TSPEAR: variants seen among roughly 807,000 people sequenced by gnomAD.
TSPEAR encodes the protein thrombospondin type laminin G domain and EAR repeats.
In TSPEAR, 69 loss-of-function variants were observed where a neutral mutation model predicts 71.6. That is an observed-to-expected ratio of 0.96 (90% CI 0.79 to 1.18). The LOEUF (loss-of-function observed/expected upper bound fraction) is 1.18, where lower values mean the gene tolerates loss of function less well. TSPEAR is among the 50% of genes most tolerant of loss of function. The pLI, the probability that TSPEAR is intolerant of heterozygous loss-of-function variation, is 0.00. For missense variants in TSPEAR, 971 were observed against 894.9 expected (o/e 1.09, Z -1.09); for synonymous variants, 402 against 387.2 (o/e 1.04, Z -0.45).
Position 44,528,494 on chromosome 21 carries a change from G to A in TSPEAR, c.880C>T (p.Leu294=), listed in dbSNP as rs2052901303. The A allele has an allele frequency of 4.3e-6, 7 of 1,614,106 alleles. No homozygotes were observed. The East Asian group carries it at 1.6e-4, about 36-fold the overall frequency. ...QFWFDASRKG[L]YLCVGNEWVS... Reference sequence around the variant, plus strand: ...CACTCGTTGCCAACACACAGATACAGGCCCTTCCGGCTGGCATCAAACCAG... The same window carrying A: ...CACTCGTTGCCAACACACAGATACAAGCCCTTCCGGCTGGCATCAAACCAG... Residue 294 remains leucine, a synonymous_variant, in exon 6 of 12, where the codon CTG becomes TTG. Transcript: ENST00000323084.
intron 1 of TSPEAR, among the ~76,000 whole-genome samples, chr21:44,581,218 T>A (rs743494): frequency 0.32 from 49,062 of 151,974 alleles, 8,535 homozygotes; most frequent in East Asian, 0.45. Flanking sequence ...TCTGTTTTAT[T>A]TGAAGCTGCG....
intron 1 of TSPEAR, among the ~76,000 whole-genome samples, chr21:44,675,185 T>A (rs1986252256): frequency 6.6e-6 from 1 of 152,098 alleles, no homozygotes; most frequent in Non-Finnish European, 1.5e-5. Context: ...AACAAAATAC[T>A]AGCAAACTGA....
chr21:44,659,715 G>T (rs1337828860), intron 1 of TSPEAR, among the ~76,000 whole-genome samples: 1 of 152,198 alleles, frequency 6.6e-6, no homozygotes, highest in Non-Finnish European at 1.5e-5. Context: ...GAGCCTGGTG[G>T]TTCGAGGCTG....
Position 44,591,665 on chromosome 21 carries a change from C to T in TSPEAR, c.83-23660G>A, listed in dbSNP as rs1408800310. On this transcript the variant is annotated intron_variant, in intron 1 of 11. Coordinates refer to ENST00000323084, the MANE Select transcript of TSPEAR (RefSeq NM_144991.3). The stretch of plus-strand genomic sequence containing the variant: ...CATGATGTGGAAGCCCCAGAGCAGA[C>T]GGGCACACAGCAGGCGTGCTGGCAG... 2.8e-4 allele frequency: 440 copies of T among 1,585,064 alleles called. 2 individuals are homozygous for T. The highest frequency in any genetic ancestry group is 3.5e-4 in the Non-Finnish European group (403 of 1,159,980).
chr21:44,518,353 G>C, intron 9 of TSPEAR: 1 of 454,810 alleles, frequency 2.2e-6, no homozygotes, highest in South Asian at 1.6e-5. Context: ...GGGCACTGGG[G>C]CATCTTGAGC....
At chr21:44,622,371 A>G (rs143610887) in intron 1 of TSPEAR, among the ~76,000 whole-genome samples, 1 of 152,232 alleles carries the variant, frequency 6.6e-6, no homozygotes, top group Non-Finnish European at 1.5e-5. Flanking sequence ...TTATGCCCCC[A>G]TCTTCCCCTC....
intron 2 of TSPEAR, among the ~76,000 whole-genome samples, chr21:44,544,004 G>A (rs1226098715): frequency 1.3e-5 from 2 of 152,322 alleles, no homozygotes; most frequent in East Asian, 3.9e-4. Flanking sequence ...AAAAACCACT[G>A]TGAGATGGGA....
At chr21:44,554,446 A>G (rs379869) in intron 2 of TSPEAR, among the ~76,000 whole-genome samples, 34,203 of 152,082 alleles carry the variant, frequency 0.22, 4,063 homozygotes, top group East Asian at 0.36. Context: ...TCCAGAACGT[A>G]GAAGCTGGGG....
Position 44,637,042 on chromosome 21 carries a change from C to G in TSPEAR, c.83-69037G>C, listed in dbSNP as rs587598167. 3.3e-5 allele frequency among the ~76,000 whole-genome samples: 5 copies of G among 152,326 alleles called. No homozygotes were observed. The South Asian group carries it at 6.2e-4, about 19-fold the overall frequency. On this transcript the variant is annotated intron_variant, in intron 1 of 11. Coordinates refer to ENST00000323084, the MANE Select transcript of TSPEAR (RefSeq NM_144991.3). ...CTGCAGACAGAGGCTGGGCCTCCCC[C>G]AGGCTGAGGGCCCACGCTGGGCACA...
intron 1 of TSPEAR, among the ~76,000 whole-genome samples, chr21:44,568,320 G>C (rs1490011461): frequency 1.3e-5 from 2 of 152,204 alleles, no homozygotes; most frequent in Non-Finnish European, 2.9e-5. Flanking sequence ...AGGGTGAGCT[G>C]TGCGGGACGA....
At chr21:44,638,043 G>A in intron 1 of TSPEAR, 2 of 1,613,286 alleles carry the variant, frequency 1.2e-6, no homozygotes, top group Non-Finnish European at 1.7e-6. Context: ...GTCCCCTCCT[G>A]CGGTGCCTCT....
At chr21:44,602,901 C>T (rs1246534443) in intron 1 of TSPEAR, among the ~76,000 whole-genome samples, 4 of 152,098 alleles carry the variant, frequency 2.6e-5, no homozygotes, top group African/African-American at 9.7e-5. Flanking sequence ...GCTGTGAATA[C>T]CACAACCTGT....
chr21:44,589,731 G>A (rs1010912566), intron 1 of TSPEAR, among the ~76,000 whole-genome samples: 1 of 152,200 alleles, frequency 6.6e-6, no homozygotes, highest in Non-Finnish European at 1.5e-5. Context: ...GGGCAGGTGG[G>A]GACAATGACA....
intron 2 of TSPEAR, chr21:44,558,479 G>C: frequency 6.2e-7 from 1 of 1,614,088 alleles, no homozygotes; most frequent in Non-Finnish European, 8.5e-7. Context: ...ACTGCTGGCA[G>C]CACGAGGGCG....
intron 1 of TSPEAR, among the ~76,000 whole-genome samples, chr21:44,578,541 G>T (rs1444425389): frequency 6.6e-6 from 1 of 152,212 alleles, no homozygotes; most frequent in South Asian, 2.1e-4. Flanking sequence ...GGGTGCTAGG[G>T]ATTAGGGGAC....
chr21:44,625,365 G>A, intron 1 of TSPEAR, among the ~76,000 whole-genome samples: 1 of 152,244 alleles, frequency 6.6e-6, no homozygotes. Flanking sequence ...GGCCAAGGCA[G>A]GAGGATCACT....
chr21:44,505,728 C>G (rs2052182802), intron 10 of TSPEAR, among the ~76,000 whole-genome samples: 1 of 151,672 alleles, frequency 6.6e-6, no homozygotes, highest in Non-Finnish European at 1.5e-5. Flanking sequence ...CCGTGTCGCA[C>G]TGTGTGTCAG....
At chr21:44,704,836 G>A (rs1555952072) in intron 1 of TSPEAR, among the ~76,000 whole-genome samples, 2 of 151,956 alleles carry the variant, frequency 1.3e-5, no homozygotes, top group African/African-American at 2.4e-5. Context: ...TCACGGCCCC[G>A]GCACGCCATC....
chr21:44,627,006 CCT>C, intron 1 of TSPEAR: 1 of 1,119,390 alleles, frequency 8.9e-7, no homozygotes, highest in Admixed American at 2.5e-5. Flanking sequence ...GCAGACGCCG[CCT>C]CTCAGCAACA....
Sources: allele counts gnomAD v4.1 joint callset (sites outside exome capture counted in the v4.1 genomes callset), GRCh38; gene constraint gnomAD v4.1.1; transcripts MANE v1.5; gene names NCBI Gene and HGNC (gene_info 2026-07-23, HGNC 2026-07-21).